Variants in PPIG observed in about 807,000 individuals in gnomAD.
PPIG encodes the protein peptidyl-prolyl cis-trans isomerase G.
Under a neutral mutation model 87.9 loss-of-function variants are expected in PPIG, and 26 were observed. The observed-to-expected ratio is 0.30, with a 90% CI of 0.22 to 0.41. PPIG has a LOEUF of 0.41. Ranked by LOEUF, PPIG falls within the 10% of genes least tolerant of loss-of-function variation. PPIG has a pLI of 1.00. For synonymous variants in PPIG, 308 were observed against 276.5 expected (o/e 1.11, Z -1.13); for missense variants, 722 against 879.4 (o/e 0.82, Z 2.26).
chr2:169,592,303 C>CTTTTTTTTT lies in PPIG; in HGVS notation c.-70+7824_-70+7832dup, dbSNP rs777690234. Among the ~76,000 whole-genome samples the CTTTTTTTTT allele has an allele frequency of 4.1e-3, 388 of 93,512 alleles. 1 individual carries two copies. The highest frequency in any genetic ancestry group is 9.3e-3 in the Middle Eastern group (1 of 108). The allele number at this position is 93,512 out of a possible 152,430, so 61.3% of individuals were successfully genotyped here. A position where few individuals can be genotyped will look rare whatever the true frequency, so the allele number is the denominator to read the frequency against. ...GCATCTGGTTTCAGATGTCTTTTTT[C>CTTTTTTTTT]TTTTTTTTTTTTTTTTTTTGAGATG... On this transcript the variant is annotated intron_variant, in intron 1 of 13. Transcript: ENST00000260970.
chr2:169,625,221 C>G (rs1309732783), intron 9 of PPIG, among the ~76,000 whole-genome samples: 1 of 152,052 alleles, frequency 6.6e-6, no homozygotes, highest in South Asian at 2.1e-4. Context: ...AACTTTGTAC[C>G]CTAGTTTTAA....
intron 5 of PPIG, 21 bp downstream of exon 5, chr2:169,606,167 G>T: frequency 1.3e-6 from 2 of 1,520,044 alleles, no homozygotes; most frequent in Non-Finnish European, 1.8e-6. Context: ...GAAAAATCAT[G>T]TATTATTTTC....
intron 1 of PPIG, among the ~76,000 whole-genome samples, chr2:169,592,336 G>A (rs1171405294): frequency 1.2e-4 from 13 of 112,000 alleles, no homozygotes; most frequent in Admixed American, 1.4e-4. Flanking sequence ...ATGGAGTCTC[G>A]CTCTGTCACC....
chr2:169,636,777 A>G lies in PPIG; in HGVS notation c.1519A>G (p.Lys507Glu). The G allele has an allele frequency of 6.2e-7, 1 of 1,612,470 alleles. No individual in the cohort carries two copies. The highest frequency in any genetic ancestry group is 1.7e-5 in the Admixed American group (1 of 59,716). Residue 507 changes from lysine to glutamate, a missense_variant, in exon 14 of 14, where the codon AAA (lysine) becomes GAA (glutamate). Physicochemically the swap from Lys to Glu is moderately conservative, Grantham distance 56. This residue lies in a region of PPIG where 476 missense variants were observed against 483.1 expected (regional missense o/e 0.99). Coordinates refer to ENST00000260970, the MANE Select transcript of PPIG (RefSeq NM_004792.3). ...AGAAAAAGAAAAGCAGTCTGATTCTAAAGGAAAAGATCAGGAAAGGAGTAG... is the reference window on the plus strand; with the variant it reads ...AGAAAAAGAAAAGCAGTCTGATTCTGAAGGAAAAGATCAGGAAAGGAGTAG... ...VKEKEKQSDS[K>E]GKDQERSRSK...
At chr2:169,601,119 T>C (rs575999987) in intron 1 of PPIG, among the ~76,000 whole-genome samples, 3 of 152,362 alleles carry the variant, frequency 2.0e-5, no homozygotes, top group African/African-American at 7.2e-5. Flanking sequence ...TCTTTTGAAC[T>C]AAACAGTAGG....
intron 1 of PPIG, among the ~76,000 whole-genome samples, chr2:169,591,920 ATTTTTTTTTTT>A (rs3067016): frequency 1.0e-4 from 9 of 87,410 alleles, no homozygotes; most frequent in Non-Finnish European, 1.4e-4. Flanking sequence ...GCAATTCATG[ATTTTTTTTTTT>A]TTTTTTTTTT....
chr2:169,604,145 T>A (rs1685256619), intron 3 of PPIG, 42 bp from the exon 4 acceptor site: 1 of 1,608,218 alleles, frequency 6.2e-7, no homozygotes. Context: ...GTTTAATATT[T>A]TAAATTAGTA....
chr2:169,613,282 G>T (rs905657386), intron 7 of PPIG, among the ~76,000 whole-genome samples: 1 of 152,052 alleles, frequency 6.6e-6, no homozygotes, highest in Non-Finnish European at 1.5e-5. Flanking sequence ...ACAATAGCAG[G>T]TCATTAATTT....
Position 169,637,607 on chromosome 2 carries a change from C to G in PPIG, c.*84C>G. On this transcript the variant is annotated 3_prime_UTR_variant, in exon 14 of 14. Coordinates refer to ENST00000260970, the MANE Select transcript of PPIG (RefSeq NM_004792.3). ...AATGAATCTCCTTTATGTTGTTTTC[C>G]TTTTCATTGTTTTTGGATTGTTTTA... 1 of 1,291,454 alleles carries G rather than the reference C, an allele frequency of 7.7e-7. No individual in the cohort carries two copies. Among genetic ancestry groups the G allele is most frequent in the Non-Finnish European group, 1.0e-6 (1 of 973,780 alleles). The allele number at this position is 1,291,454 out of a possible 1,614,324, so 80.0% of individuals were successfully genotyped here.
intron 9 of PPIG, among the ~76,000 whole-genome samples, chr2:169,625,936 T>G (rs1685869441): frequency 6.6e-6 from 1 of 152,158 alleles, no homozygotes; most frequent in Admixed American, 6.5e-5. Flanking sequence ...GAAAATCTAA[T>G]GCTGTCACTG....
intron 9 of PPIG, among the ~76,000 whole-genome samples, chr2:169,619,886 G>A (rs1685697542): frequency 6.6e-6 from 1 of 152,028 alleles, no homozygotes; most frequent in Non-Finnish European, 1.5e-5. Flanking sequence ...GTCTTCGTTT[G>A]AGAAATATCT....
intron 9 of PPIG, among the ~76,000 whole-genome samples, chr2:169,616,511 T>A (rs1685613685): frequency 6.6e-6 from 1 of 152,218 alleles, no homozygotes; most frequent in African/African-American, 2.4e-5. Flanking sequence ...CGGCATCTGT[T>A]GTTTCCTGAC....
intron 10 of PPIG, 81 bp downstream of exon 10, chr2:169,631,068 A>G (rs1378710986): frequency 1.6e-6 from 2 of 1,246,610 alleles, no homozygotes; most frequent in East Asian, 2.5e-5. Context: ...GGTCAATTAT[A>G]TGAAACTGTT....
At chr2:169,627,893 G>T (rs527810227) in intron 9 of PPIG, among the ~76,000 whole-genome samples, 1 of 152,080 alleles carries the variant, frequency 6.6e-6, no homozygotes, top group African/African-American at 2.4e-5. Flanking sequence ...TTATGTTTAA[G>T]TGTAGTATTT....
intron 1 of PPIG, among the ~76,000 whole-genome samples, chr2:169,593,623 CATT>C (rs1684931725): frequency 6.7e-6 from 1 of 149,142 alleles, no homozygotes; most frequent in Non-Finnish European, 1.5e-5. Context: ...ACACAATCAT[CATT>C]ATGTTGCATA....
chr2:169,607,178 T>C (rs766452687), intron 6 of PPIG, 30 bp downstream of exon 6: 9 of 1,342,194 alleles, frequency 6.7e-6, no homozygotes, highest in Non-Finnish European at 8.4e-6. Flanking sequence ...TATTATGTTT[T>C]AAATATTTTG....
In PPIG at chr2:169,585,178, A is replaced by T. The variant is rs548451498; in HGVS notation, c.-70+688A>T. Among the ~76,000 whole-genome samples, 3 of 151,888 alleles carry T rather than the reference A, an allele frequency of 2.0e-5. No individual in the cohort carries two copies. The South Asian group carries it at 6.2e-4, about 32-fold the overall frequency. The stretch of plus-strand genomic sequence containing the variant: ...GAGCTGTGAGCTGCGCAGGCCTTTT[A>T]GGAGGAGATAATTACTCTTTAGGAG... On this transcript the variant is annotated intron_variant, in intron 1 of 13. Coordinates refer to ENST00000260970, the MANE Select transcript of PPIG (RefSeq NM_004792.3).
chr2:169,631,955 G>A, intron 11 of PPIG, 22 bp downstream of exon 11: 1 of 1,557,698 alleles, frequency 6.4e-7, no homozygotes, highest in Non-Finnish European at 8.7e-7. Context: ...TGTATATTTT[G>A]CCTTACATGG....
intron 4 of PPIG, among the ~76,000 whole-genome samples, chr2:169,605,390 C>T (rs1351790155): frequency 6.6e-6 from 1 of 152,014 alleles, no homozygotes; most frequent in East Asian, 1.9e-4. Flanking sequence ...GTAGTCCCAG[C>T]TACTCTGGAG....
Sources: gnomAD v4.1 joint callset for allele counts (sites outside exome capture counted in the v4.1 genomes callset) on GRCh38, gnomAD v4.1.1 for gene constraint, gnomAD v4.1.1 regional missense constraint, MANE v1.5 for transcripts, NCBI Gene and HGNC (gene_info 2026-07-23, HGNC 2026-07-21) for gene names.